GPR176: variants seen among roughly 807,000 people sequenced by gnomAD.
GPR176 encodes G-protein coupled receptor 176.
In GPR176, 26 loss-of-function variants were observed where a neutral mutation model predicts 35.4. The observed-to-expected ratio is 0.74, with a 90% CI of 0.54 to 1.02. The LOEUF (loss-of-function observed/expected upper bound fraction) is 1.02. Ranked by LOEUF, GPR176 falls within the 50% of genes least tolerant of loss-of-function variation. The pLI, the probability that GPR176 is intolerant of heterozygous loss-of-function variation, is 0.00. For synonymous variants in GPR176, 278 were observed against 271.3 expected (o/e 1.02, Z -0.24); for missense variants, 597 against 665.3 (o/e 0.90, Z 1.13).
chr15:39,829,884 G>T (rs1010385558), intron 1 of GPR176, among the ~76,000 whole-genome samples: 7 of 152,118 alleles, frequency 4.6e-5, no homozygotes, highest in Non-Finnish European at 8.8e-5. Context: ...GGTGATATGT[G>T]TTAATTGGAA....
At chr15:39,834,966 T>C (rs1051914064) in intron 1 of GPR176, among the ~76,000 whole-genome samples, 2 of 152,200 alleles carry the variant, frequency 1.3e-5, no homozygotes, top group African/African-American at 4.8e-5. Context: ...TGAGGTAATG[T>C]ATACCTCTTA....
chr15:39,845,510 G>C (rs1361481989), intron 1 of GPR176, among the ~76,000 whole-genome samples: 1 of 151,402 alleles, frequency 6.6e-6, no homozygotes, highest in Non-Finnish European at 1.5e-5. Flanking sequence ...CTGTCCACTG[G>C]AACCCCCTTT....
At chr15:39,895,088 C>T (rs1217394182) in intron 1 of GPR176, among the ~76,000 whole-genome samples, 2 of 152,206 alleles carry the variant, frequency 1.3e-5, no homozygotes, top group Non-Finnish European at 2.9e-5. Flanking sequence ...GGCGTGGCGG[C>T]GCCAGCCTGC....
rs571021486 is a variant in GPR176, at chr15:39,841,492, G to A, written c.173-34234C>T. Among the ~76,000 whole-genome samples the A allele has an allele frequency of 2.0e-5, 3 of 152,258 alleles. No homozygotes were observed. The South Asian group carries it at 6.2e-4, about 32-fold the overall frequency. On this transcript the variant is annotated intron_variant, in intron 1 of 2. Coordinates refer to ENST00000561100, the MANE Select transcript of GPR176 (RefSeq NM_007223.3). Reference sequence around the variant, plus strand: ...AAGGGGAGATTTGTCCGCAGAGACAGACACACACAGGGAAGATGACAGGAA... The same window carrying A: ...AAGGGGAGATTTGTCCGCAGAGACAAACACACACAGGGAAGATGACAGGAA...
At chr15:39,855,442 C>A (rs1010908982) in intron 1 of GPR176, among the ~76,000 whole-genome samples, 9 of 152,140 alleles carry the variant, frequency 5.9e-5, no homozygotes, top group Non-Finnish European at 1.0e-4. Flanking sequence ...GGAATAATTG[C>A]AGAGCTTAGA....
At chr15:39,832,972 T>C (rs1901187479) in intron 1 of GPR176, among the ~76,000 whole-genome samples, 1 of 152,182 alleles carries the variant, frequency 6.6e-6, no homozygotes, top group Admixed American at 6.6e-5. Context: ...ATCTCTGTAT[T>C]TTAAGGTGAG....
intron 1 of GPR176, among the ~76,000 whole-genome samples, chr15:39,811,596 T>A (rs1234539315): frequency 1.3e-5 from 2 of 152,132 alleles, no homozygotes; most frequent in African/African-American, 4.8e-5. Flanking sequence ...CAATGAGCAT[T>A]TCATTTGAGC....
intron 1 of GPR176, among the ~76,000 whole-genome samples, chr15:39,892,458 C>G (rs2032910297): frequency 6.6e-6 from 1 of 152,238 alleles, no homozygotes; most frequent in Admixed American, 6.5e-5. Context: ...AAGAGTTGAA[C>G]TGTGTCCTCA....
chr15:39,894,386 G>C (rs2033022556), intron 1 of GPR176: 3 of 155,046 alleles, frequency 1.9e-5, no homozygotes, highest in Non-Finnish European at 4.2e-5. Flanking sequence ...CTCCCGGACG[G>C]GGTGGCTGCC....
chr15:39,891,709 T>C (rs2032878753), intron 1 of GPR176, among the ~76,000 whole-genome samples: 1 of 152,104 alleles, frequency 6.6e-6, no homozygotes, highest in African/African-American at 2.4e-5. Context: ...AGTGGTGGCA[T>C]ATACCTGTAC....
intron 1 of GPR176, among the ~76,000 whole-genome samples, chr15:39,848,907 A>C (rs1408975810): frequency 6.8e-6 from 1 of 148,070 alleles, no homozygotes; most frequent in African/African-American, 2.5e-5. Context: ...AACCTAAAAA[A>C]AGCAAAGTAA....
At chr15:39,859,391 A>G (rs1289789321) in intron 1 of GPR176, among the ~76,000 whole-genome samples, 2 of 152,266 alleles carry the variant, frequency 1.3e-5, no homozygotes, top group East Asian at 3.9e-4. Flanking sequence ...CAAATGGCTA[A>G]CAAGCACATA....
chr15:39,816,139 C>T (rs774934100), intron 1 of GPR176, among the ~76,000 whole-genome samples: 16 of 152,074 alleles, frequency 1.1e-4, no homozygotes, highest in East Asian at 1.9e-4. Context: ...GCCAGTAGGA[C>T]GAAGCGTTGG....
intron 1 of GPR176, among the ~76,000 whole-genome samples, chr15:39,898,805 G>A (rs1332384626): frequency 6.6e-6 from 1 of 152,134 alleles, no homozygotes; most frequent in African/African-American, 2.4e-5. Flanking sequence ...ATTTAAGGCT[G>A]CTCTTCCAAG....
At chr15:39,845,181 C>T (rs922703289) in intron 1 of GPR176, among the ~76,000 whole-genome samples, 3 of 151,944 alleles carry the variant, frequency 2.0e-5, no homozygotes, top group African/African-American at 4.8e-5. Context: ...AGGTTGGGTT[C>T]GAAAACAGAA....
chr15:39,849,872 T>C (rs1221651658), intron 1 of GPR176, among the ~76,000 whole-genome samples: 1 of 152,164 alleles, frequency 6.6e-6, no homozygotes, highest in Non-Finnish European at 1.5e-5. Context: ...TTACAGAGTA[T>C]ACTTGCACAA....
At chr15:39,827,272 G>C (rs1432412524) in intron 1 of GPR176, among the ~76,000 whole-genome samples, 1 of 152,190 alleles carries the variant, frequency 6.6e-6, no homozygotes, top group Admixed American at 6.5e-5. Context: ...CATGATCTAA[G>C]GGTGGAGTTT....
At chr15:39,885,280 T>TG (rs2032631673) in intron 1 of GPR176, among the ~76,000 whole-genome samples, 1 of 152,230 alleles carries the variant, frequency 6.6e-6, no homozygotes, top group Admixed American at 6.5e-5. Flanking sequence ...CATTGCTCTG[T>TG]TCAACAGAGT....
At chr15:39,850,387 C>T (rs2030773052) in intron 1 of GPR176, among the ~76,000 whole-genome samples, 2 of 152,188 alleles carry the variant, frequency 1.3e-5, no homozygotes, top group African/African-American at 2.4e-5. Flanking sequence ...AGACTGAATG[C>T]TTTCTCCCCA....
Sources: allele counts gnomAD v4.1 joint callset (sites outside exome capture counted in the v4.1 genomes callset), GRCh38; gene constraint gnomAD v4.1.1; transcripts MANE v1.5; gene names NCBI Gene and HGNC (gene_info 2026-07-23, HGNC 2026-07-21).